Variants in STAB2 observed in about 807,000 individuals in gnomAD.
STAB2 encodes stabilin-2.
In STAB2, 288 loss-of-function variants were observed where a neutral mutation model predicts 338.1. The ratio of observed to expected loss-of-function variants is 0.85; its 90% CI spans 0.77 to 0.94. The LOEUF is 0.94. Among genes scored for constraint, STAB2 ranks in the 40% least tolerant of loss-of-function variants. STAB2 has a pLI of 0.00. For synonymous variants in STAB2, 1,202 were observed against 1,193.3 expected, an observed-to-expected ratio of 1.01 and a Z score of -0.15; for missense variants, 3,141 against 3,210.1, an observed-to-expected ratio of 0.98 and a Z score of 0.52.
At chr12:103,651,077 G>A (rs1873706124) in intron 11 of STAB2, among the ~76,000 whole-genome samples, 1 of 152,200 alleles carries the variant, frequency 6.6e-6, no homozygotes, top group Non-Finnish European at 1.5e-5. Flanking sequence ...TGTTGTTTGA[G>A]ATAATGTCAT....
rs757785322 is a variant in STAB2, at chr12:103,766,376, CT to C, written c.*41del. The C allele has an allele frequency of 5.1e-6, 8 of 1,580,096 alleles. No individual in the cohort carries two copies. The highest frequency in any genetic ancestry group is 6.9e-6 in the Non-Finnish European group (8 of 1,162,380). On this transcript the variant is annotated 3_prime_UTR_variant, in exon 69 of 69. Coordinates refer to ENST00000388887, the MANE Select transcript of STAB2 (RefSeq NM_017564.10). ...GATGCCAGCCATCACTCACTGCCAC[CT>C]GGGCCATCAACTGTGAATTCTCAGC... is the stretch of plus-strand genomic sequence containing the variant.
At chr12:103,591,712 T>C (rs1466878096) in intron 2 of STAB2, among the ~76,000 whole-genome samples, 2 of 152,198 alleles carry the variant, frequency 1.3e-5, no homozygotes, top group African/African-American at 4.8e-5. Flanking sequence ...GGGGGAAAGA[T>C]GAATTGCAGC....
Position 103,739,527 on chromosome 12 carries a change from CTGTGTGTGTGTGTGTGTGTGTGTGTG to C in STAB2, c.5754+80_5754+105del, listed in dbSNP as rs35471201. ...CCATAGGTCTGTTTCATTATCAGAC[CTGTGTGTGTGTGTGTGTGTGTGTGTG>C]TGTGTGTGTGTGTGTGTGTGCCCGT... On this transcript the variant is annotated intron_variant, in intron 54 of 68. Coordinates refer to ENST00000388887, the MANE Select transcript of STAB2 (RefSeq NM_017564.10). The C allele has an allele frequency of 3.4e-5, 23 of 674,240 alleles. 1 individual carries two copies. In the South Asian group the frequency reaches 4.6e-4, roughly 14 times the overall value. The allele number at this position is 674,240 out of a possible 1,614,324, so 41.8% of individuals were successfully genotyped here. A position where few individuals can be genotyped will look rare whatever the true frequency, so the allele number is the denominator to read the frequency against.
rs1378859906 is a variant in STAB2, at chr12:103,749,841, C to CCAAAAA, written c.6438+685_6438+686insCAAAAA. On this transcript the variant is annotated intron_variant, in intron 59 of 68. Transcript: ENST00000388887. ...GGTGACAGAGCAAGACTCTGTCTCA[C>CCAAAAA]AAAAAAAAAAAAAAAAAAAAAAAAA... Among the ~76,000 whole-genome samples, 4 of 51,152 alleles carry CCAAAAA rather than the reference C, an allele frequency of 7.8e-5. No individual in the cohort carries two copies. The East Asian group carries it at 2.5e-3, about 32-fold the overall frequency. 33.6% of individuals were successfully genotyped at this position (51,152 alleles called of 152,430 possible). A position where few individuals can be genotyped will look rare whatever the true frequency, so the allele number is the denominator to read the frequency against.
At chr12:103,718,521 T>C (rs1440763757) in intron 44 of STAB2, among the ~76,000 whole-genome samples, 1 of 152,102 alleles carries the variant, frequency 6.6e-6, no homozygotes, top group Admixed American at 6.5e-5. Context: ...TAAAGAGGAA[T>C]TGGGATGTAG....
chr12:103,742,299 G>A lies in STAB2; in HGVS notation c.5882-106G>A, dbSNP rs1056896801. On this transcript the variant is annotated intron_variant, in intron 55 of 68. Coordinates refer to ENST00000388887, the MANE Select transcript of STAB2 (RefSeq NM_017564.10). ...ATATCCACTGACACTGAAGGCGATGGTCCCTCTGGGCTAACAGAAGTCAGA... is the reference window on the plus strand; with the variant it reads ...ATATCCACTGACACTGAAGGCGATGATCCCTCTGGGCTAACAGAAGTCAGA... 143 of 1,456,946 alleles carry A rather than the reference G, an allele frequency of 9.8e-5. 1 individual carries two copies. In the South Asian group the frequency reaches 1.1e-3, roughly 12 times the overall value. The allele number at this position is 1,456,946 out of a possible 1,614,324, so 90.3% of individuals were successfully genotyped here.
Position 103,750,564 on chromosome 12 carries a change from A to G in STAB2, c.6439-15A>G. ...AGAAGGAACTTTTTCATCTCTTCCC[A>G]CTCTCCCTCCACAGGGCAAGCACAA... On this transcript the variant is annotated splice_polypyrimidine_tract_variant and intron_variant, in intron 59 of 68. Transcript: ENST00000388887. The G allele has an allele frequency of 6.2e-7, 1 of 1,612,650 alleles. No homozygotes were observed. The highest frequency in any genetic ancestry group is 2.2e-5 in the East Asian group (1 of 44,828).
At chr12:103,648,034 C>T (rs1447901634) in intron 9 of STAB2, among the ~76,000 whole-genome samples, 3 of 152,230 alleles carry the variant, frequency 2.0e-5, no homozygotes, top group Non-Finnish European at 2.9e-5. Context: ...CCCTTACCCT[C>T]ACTCTTTTCT....
At chr12:103,759,398 G>A (rs1884379356) in intron 65 of STAB2, 125 bp downstream of exon 65, 1 of 1,384,792 alleles carries the variant, frequency 7.2e-7, no homozygotes, top group Non-Finnish European at 9.6e-7. Flanking sequence ...GCAGATAGGG[G>A]ACGGTGTTAA....
chr12:103,690,275 TAAC>T, intron 29 of STAB2, 146 bp from the exon 30 acceptor site: 1 of 740,138 alleles, frequency 1.4e-6, no homozygotes, highest in South Asian at 1.9e-5. Flanking sequence ...CGTGGTTGAG[TAAC>T]TAACTCTAGC....
At chr12:103,703,436 G>A (rs970738436) in intron 35 of STAB2, among the ~76,000 whole-genome samples, 160 bp downstream of exon 35, 3 of 152,192 alleles carry the variant, frequency 2.0e-5, no homozygotes, top group Admixed American at 6.5e-5. Context: ...CCAGGCTGTG[G>A]TTCTACAAAG....
In STAB2 at chr12:103,747,334, T is replaced by C. The variant is rs1478449277; in HGVS notation, c.6244+630T>C. ...AACAGTGGCATAAATAAGGCAGATG[T>C]TTCCTATTGTCTCATATAACAGGTT... On this transcript the variant is annotated intron_variant, in intron 58 of 68. Transcript: ENST00000388887. Among the ~76,000 whole-genome samples, 4 of 152,206 alleles carry C rather than the reference T, an allele frequency of 2.6e-5. No individual in the cohort carries two copies. In the East Asian group the frequency reaches 5.8e-4, roughly 22 times the overall value.
At chr12:103,588,332 G>T (rs1054917477) in intron 1 of STAB2, among the ~76,000 whole-genome samples, 2 of 152,186 alleles carry the variant, frequency 1.3e-5, no homozygotes, top group African/African-American at 4.8e-5. Context: ...GTAGGGGTGA[G>T]TTTGAACTGT....
At chr12:103,693,706 T>G (rs1022233963) in intron 31 of STAB2, among the ~76,000 whole-genome samples, 6 of 152,120 alleles carry the variant, frequency 3.9e-5, no homozygotes, top group African/African-American at 1.4e-4. Context: ...AAAAGAATAA[T>G]GAGAAATGGG....
At position 103,692,900 on chromosome 12, in the gene STAB2, C is replaced by G. The variant is rs1218043128; in HGVS notation, c.3375+11C>G. The G allele has an allele frequency of 6.2e-7, 1 of 1,609,124 alleles. No homozygotes were observed. Among genetic ancestry groups the G allele is most frequent in the East Asian group, 2.2e-5 (1 of 44,822 alleles). Reference sequence around the variant, plus strand: ...CACATCATCAACAAGGTACAAGATTCCATTCTCCTGTGCGTGCAGCATCTC... The same window carrying G: ...CACATCATCAACAAGGTACAAGATTGCATTCTCCTGTGCGTGCAGCATCTC... On this transcript the variant is annotated intron_variant, in intron 31 of 68. Coordinates refer to ENST00000388887, the MANE Select transcript of STAB2 (RefSeq NM_017564.10).
chr12:103,639,899 T>A (rs1177401591), intron 8 of STAB2, among the ~76,000 whole-genome samples: 2 of 152,218 alleles, frequency 1.3e-5, no homozygotes, highest in East Asian at 3.9e-4. Flanking sequence ...ACAAGAAAAT[T>A]GAAGCTAAAC....
intron 42 of STAB2, 105 bp from the exon 43 acceptor site, chr12:103,715,710 C>A: frequency 7.8e-7 from 1 of 1,280,584 alleles, no homozygotes; most frequent in Non-Finnish European, 1.1e-6. Flanking sequence ...TGCTTTGACA[C>A]CCGCTCCCTT....
At chr12:103,725,136 T>C (rs763068937) in intron 45 of STAB2, 42 bp downstream of exon 45, 4 of 1,588,992 alleles carry the variant, frequency 2.5e-6, no homozygotes, top group Non-Finnish European at 3.4e-6. Flanking sequence ...TCTACTTCCC[T>C]AAAAATGCCA....
rs1251505335 is a variant in STAB2, at chr12:103,705,684, C to A, written c.3953C>A (p.Thr1318Asn). ...IYTSYFMGRR[T>N]LFIGCQPKCV... ...ACCTCCTATTTCATGGGAAGACGAA[C>A]CCTGTTTATTGGGTGCCAGCCAAAA... Residue 1318 changes from threonine (T) to asparagine (N), a missense_variant, in exon 37 of 69, where the codon ACC becomes AAC. Coordinates refer to ENST00000388887, the MANE Select transcript of STAB2 (RefSeq NM_017564.10). The A allele has an allele frequency of 1.2e-6, 2 of 1,614,166 alleles. No homozygotes were observed. Among genetic ancestry groups the A allele is most frequent in the Non-Finnish European group, 1.7e-6 (2 of 1,180,028 alleles).
Sources: allele counts gnomAD v4.1 joint callset (sites outside exome capture counted in the v4.1 genomes callset), GRCh38; gene constraint gnomAD v4.1.1; transcripts MANE v1.5; gene names NCBI Gene and HGNC (gene_info 2026-07-23, HGNC 2026-07-21).